POU6F2: variants seen among roughly 807,000 people sequenced by gnomAD.
The protein encoded by POU6F2 is POU domain, class 6, transcription factor 2.
Under a neutral mutation model 71.3 loss-of-function variants are expected in POU6F2, and 31 were observed. That is an observed-to-expected ratio of 0.43 (90% CI 0.33 to 0.59). The LOEUF (loss-of-function observed/expected upper bound fraction) is 0.59, where lower values mean the gene tolerates loss of function less well. Ranked by LOEUF, POU6F2 falls within the 20% of genes least tolerant of loss-of-function variation. POU6F2 has a pLI of 0.04. For synonymous variants in POU6F2, 347 were observed against 355.7 expected (o/e 0.98, Z 0.27); for missense variants, 783 against 856.8 (o/e 0.91, Z 1.07).
chr7:39,061,184 A>G (rs902948886), intron 1 of POU6F2, among the ~76,000 whole-genome samples: 5 of 152,174 alleles, frequency 3.3e-5, no homozygotes, highest in Non-Finnish European at 2.9e-5. Flanking sequence ...AAATAGAATG[A>G]CATTTTAATA....
chr7:39,067,260 G>A (rs1465814433), intron 1 of POU6F2, among the ~76,000 whole-genome samples: 1 of 150,136 alleles, frequency 6.7e-6, no homozygotes, highest in East Asian at 1.9e-4. Context: ...CGTGAGATTT[G>A]CATTTAATGC....
chr7:39,062,043 C>T (rs1384177711), intron 1 of POU6F2, among the ~76,000 whole-genome samples: 1 of 152,118 alleles, frequency 6.6e-6, no homozygotes, highest in Non-Finnish European at 1.5e-5. Flanking sequence ...ACCATTACAT[C>T]AAGGACTTTT....
chr7:39,459,696 A>G (rs1788899415), intron 8 of POU6F2, among the ~76,000 whole-genome samples: 1 of 152,246 alleles, frequency 6.6e-6, no homozygotes, highest in Non-Finnish European at 1.5e-5. Flanking sequence ...TGCTACAGGC[A>G]GGATTGAGTA....
rs1789034662 is a variant in POU6F2 at position 39,464,939 on chromosome 7, T to C, written c.*253T>C. On this transcript the variant is annotated 3_prime_UTR_variant, in exon 10 of 10. Coordinates refer to ENST00000518318, the MANE Select transcript of POU6F2 (RefSeq NM_001370959.1). This position sits in a 1 kb window ranked among gnomAD's most constrained non-coding sequence, Gnocchi z 4.1. ...CAAGGAATACACCACACTGAAGGTGTGTGTGGTAGGATAGTTCCCTTCCCC... is the reference window on the plus strand; with the variant it reads ...CAAGGAATACACCACACTGAAGGTGCGTGTGGTAGGATAGTTCCCTTCCCC... 1 of 499,262 alleles carries C rather than the reference T, an allele frequency of 2.0e-6. No individual in the cohort carries two copies. The highest frequency in any genetic ancestry group is 1.9e-5 in the African/African-American group (1 of 52,194). 30.9% of individuals were successfully genotyped at this position (499,262 alleles called of 1,614,324 possible).
chr7:39,126,184 G>A (rs1156434860), intron 2 of POU6F2, among the ~76,000 whole-genome samples: 1 of 152,214 alleles, frequency 6.6e-6, no homozygotes, highest in Non-Finnish European at 1.5e-5. Context: ...CACCATGTAA[G>A]CTGAATTCAG....
chr7:39,107,511 A>G (rs1009512583), intron 2 of POU6F2, among the ~76,000 whole-genome samples: 35 of 152,218 alleles, frequency 2.3e-4, no homozygotes, highest in African/African-American at 8.4e-4. Flanking sequence ...TCTAAAGACC[A>G]ACAATTTGTT....
intron 7 of POU6F2, among the ~76,000 whole-genome samples, chr7:39,445,320 G>A (rs1237975892): frequency 1.3e-5 from 2 of 152,204 alleles, no homozygotes; most frequent in Non-Finnish European, 2.9e-5. Flanking sequence ...CTAGATGGGT[G>A]AAATCTATAT....
chr7:39,093,840 G>T (rs1260286667), intron 2 of POU6F2, among the ~76,000 whole-genome samples: 1 of 152,050 alleles, frequency 6.6e-6, no homozygotes, highest in Non-Finnish European at 1.5e-5. Flanking sequence ...AGTGAAAAAA[G>T]TGTAATGCTA....
chr7:39,342,924 G>A (rs916795703), intron 5 of POU6F2, among the ~76,000 whole-genome samples: 11 of 152,268 alleles, frequency 7.2e-5, no homozygotes, highest in Non-Finnish European at 7.3e-5. Context: ...TTTCAGAGAC[G>A]CACAGGTAGG....
intron 2 of POU6F2, among the ~76,000 whole-genome samples, chr7:39,093,814 G>C (rs975639078): frequency 6.6e-6 from 1 of 151,856 alleles, no homozygotes; most frequent in Non-Finnish European, 1.5e-5. Flanking sequence ...TTCTTTCTTA[G>C]GCACTGTGAG....
chr7:38,996,504 T>C (rs1214156182), intron 1 of POU6F2, among the ~76,000 whole-genome samples: 1 of 152,124 alleles, frequency 6.6e-6, no homozygotes, highest in Admixed American at 6.6e-5. Flanking sequence ...CTTTAGTAAC[T>C]CCAACTATTA....
At chr7:39,126,687 A>G (rs925650137) in intron 2 of POU6F2, among the ~76,000 whole-genome samples, 1 of 152,236 alleles carries the variant, frequency 6.6e-6, no homozygotes, top group Non-Finnish European at 1.5e-5. Context: ...ATTCAGATCT[A>G]TCTCCTGAAA....
At chr7:39,186,797 C>T (rs1028349731) in intron 2 of POU6F2, among the ~76,000 whole-genome samples, 2 of 152,178 alleles carry the variant, frequency 1.3e-5, no homozygotes, top group African/African-American at 4.8e-5. Context: ...AGGGTCTGCT[C>T]CTTCCCCAGC....
intron 4 of POU6F2, among the ~76,000 whole-genome samples, chr7:39,315,725 G>T (rs1403428384): frequency 7.9e-5 from 12 of 152,178 alleles, no homozygotes. Flanking sequence ...AGCAAGAATG[G>T]CAGTAGGTTG....
chr7:39,423,714 G>A (rs1174814556), intron 6 of POU6F2, among the ~76,000 whole-genome samples: 5 of 152,148 alleles, frequency 3.3e-5, no homozygotes, highest in Admixed American at 3.3e-4. Flanking sequence ...CATTTCCCAG[G>A]AGAAGATAGG....
intron 1 of POU6F2, among the ~76,000 whole-genome samples, chr7:39,075,786 TG>T (rs1790989879): frequency 6.6e-6 from 1 of 152,230 alleles, no homozygotes; most frequent in Non-Finnish European, 1.5e-5. Flanking sequence ...GCGTGGTCTC[TG>T]TGCACACCTG....
intron 7 of POU6F2, among the ~76,000 whole-genome samples, chr7:39,433,497 G>A (rs1338666209): frequency 1.3e-5 from 2 of 152,044 alleles, no homozygotes; most frequent in East Asian, 1.9e-4. Flanking sequence ...ATAAAAATAA[G>A]AATATATTAA....
At chr7:39,233,988 C>T (rs1160979556) in intron 4 of POU6F2, among the ~76,000 whole-genome samples, 6 of 152,078 alleles carry the variant, frequency 3.9e-5, no homozygotes, top group African/African-American at 1.2e-4. Flanking sequence ...TACCAATAGT[C>T]ATGTGGGCCT....
At chr7:39,154,108 T>C (rs1433848483) in intron 2 of POU6F2, among the ~76,000 whole-genome samples, 1 of 152,242 alleles carries the variant, frequency 6.6e-6, no homozygotes, top group Non-Finnish European at 1.5e-5. Flanking sequence ...CATAGCCTTG[T>C]TAGCCAAACA....
Sources: gnomAD v4.1 joint callset for allele counts (sites outside exome capture counted in the v4.1 genomes callset) on GRCh38, gnomAD v4.1.1 for gene constraint, Gnocchi (gnomAD v3.1) non-coding constraint, MANE v1.5 for transcripts, NCBI Gene and HGNC (gene_info 2026-07-23, HGNC 2026-07-21) for gene names.